Variants in SETD2 observed in about 807,000 individuals in gnomAD.
SETD2 encodes the protein histone-lysine N-methyltransferase SETD2.
SETD2 carries 31 observed loss-of-function variants against 242.1 expected under a neutral mutation model. The ratio of observed to expected loss-of-function variants is 0.13; its 90% CI spans 0.10 to 0.17. The LOEUF is 0.17. Among genes scored for constraint, SETD2 ranks in the 10% least tolerant of loss-of-function variants. The pLI is 1.00. For missense variants in SETD2, 2,481 were observed against 3,046.3 expected (o/e 0.81, Z 4.37); for synonymous variants, 1,006 against 1,066.5 (o/e 0.94, Z 1.11).
chr3:47,158,925 T>C (rs1254945030), intron 1 of SETD2, among the ~76,000 whole-genome samples: 1 of 152,172 alleles, frequency 6.6e-6, no homozygotes, highest in Non-Finnish European at 1.5e-5. Context: ...TTCACAGATG[T>C]CATCCATGTT....
chr3:47,084,894 CTTT>C (rs879474671), intron 11 of SETD2, among the ~76,000 whole-genome samples: 1 of 133,390 alleles, frequency 7.5e-6, no homozygotes. Flanking sequence ...CCATGCACAG[CTTT>C]TTTTTTTTTT....
At chr3:47,150,795 C>T (rs1208070577) in intron 1 of SETD2, among the ~76,000 whole-genome samples, 1 of 151,054 alleles carries the variant, frequency 6.6e-6, no homozygotes, top group Non-Finnish European at 1.5e-5. Flanking sequence ...CCTGTCGCTA[C>T]AAAAAATAAA....
rs2107586890 is a variant in SETD2 at position 47,061,452 on chromosome 3, G to A, written c.6293+711C>T. ...AGGACAGCACCTTACAGTAGGGAAAGGACAGCACATTTTCAATAAATGGTG... is the reference window on the plus strand; with the variant it reads ...AGGACAGCACCTTACAGTAGGGAAAAGACAGCACATTTTCAATAAATGGTG... On this transcript the variant is annotated intron_variant, in intron 14 of 20. Transcript: ENST00000409792. Among the ~76,000 whole-genome samples the A allele has an allele frequency of 2.0e-5, 3 of 152,176 alleles. 1 individual carries two copies. The Middle Eastern group carries it at 0.01, about 518-fold the overall frequency.
chr3:47,061,582 A>G (rs928827176), intron 14 of SETD2, among the ~76,000 whole-genome samples: 1 of 152,246 alleles, frequency 6.6e-6, no homozygotes, highest in African/African-American at 2.4e-5. Context: ...TAAAAATCAC[A>G]TTACATACCG....
At chr3:47,070,519 C>G (rs1219640596) in intron 12 of SETD2, among the ~76,000 whole-genome samples, 1 of 152,166 alleles carries the variant, frequency 6.6e-6, no homozygotes, top group Non-Finnish European at 1.5e-5. Flanking sequence ...ACATTGAAAG[C>G]TGAGAAGGAA....
chr3:47,096,876 T>TAAAC lies in SETD2; in HGVS notation c.5142+1078_5142+1079insGTTT, dbSNP rs1575766420. Among the ~76,000 whole-genome samples, 3 of 152,352 alleles carry TAAAC rather than the reference T, an allele frequency of 2.0e-5. No homozygotes were observed. In the East Asian group the frequency reaches 5.8e-4, roughly 29 times the overall value. ...TGTTGGGTGGTGGAAATACAGGTGTTTGTTATATAAACTGTCCTTTTCTGC... is the reference window on the plus strand; with the variant it reads ...TGTTGGGTGGTGGAAATACAGGTGTTAAACTGTTATATAAACTGTCCTTTTCTGC... On this transcript the variant is annotated intron_variant, in intron 9 of 20. Coordinates refer to ENST00000409792, the MANE Select transcript of SETD2 (RefSeq NM_014159.7).
chr3:47,087,467 C>T (rs543775987), intron 10 of SETD2, among the ~76,000 whole-genome samples: 1 of 152,268 alleles, frequency 6.6e-6, no homozygotes, highest in African/African-American at 2.4e-5. Context: ...CTATGAGAAT[C>T]GAATGCCGCT....
intron 5 of SETD2, among the ~76,000 whole-genome samples, chr3:47,110,479 T>C (rs1403287590): frequency 6.6e-6 from 1 of 152,240 alleles, no homozygotes; most frequent in Non-Finnish European, 1.5e-5. Context: ...TAAGTCAACC[T>C]GGACTGCCTT....
At position 47,121,432 on chromosome 3, in the gene SETD2, A is replaced by C; in HGVS notation, c.3204T>G (p.Ser1068=). Residue 1068 remains serine, a synonymous_variant, in exon 3 of 21, where the codon TCT becomes TCG. Transcript: ENST00000409792. The stretch of plus-strand genomic sequence containing the variant: ...TAGAATTCTTTGGCACAACCACAAC[A>C]GACTGGAGACGGTTTCTTGGAATAC... ...DSSIPRNRLQ[S]VVVVPKNSTL... The C allele has an allele frequency of 2.5e-6, 4 of 1,612,070 alleles. No homozygotes were observed. Among genetic ancestry groups the C allele is most frequent in the Non-Finnish European group, 3.4e-6 (4 of 1,179,994 alleles).
intron 5 of SETD2, among the ~76,000 whole-genome samples, chr3:47,111,364 T>C (rs539340984): frequency 6.6e-6 from 1 of 152,104 alleles, no homozygotes; most frequent in Admixed American, 6.5e-5. Context: ...AAACCAGTTA[T>C]GAGAAGCCTA....
intron 1 of SETD2, among the ~76,000 whole-genome samples, chr3:47,161,511 T>C (rs938253414): frequency 1.3e-5 from 2 of 152,294 alleles, no homozygotes; most frequent in South Asian, 2.1e-4. Flanking sequence ...TTTCTTCATA[T>C]GCCAAACAGG....
At chr3:47,075,564 CAAAAAA>C (rs55635941) in intron 12 of SETD2, among the ~76,000 whole-genome samples, 2 of 76,442 alleles carry the variant, frequency 2.6e-5, no homozygotes, top group African/African-American at 5.2e-5. Flanking sequence ...AACTCCGTCT[CAAAAAA>C]AAAAAAAAAA....
chr3:47,081,395 C>T (rs2107633074), intron 12 of SETD2, among the ~76,000 whole-genome samples: 1 of 152,246 alleles, frequency 6.6e-6, no homozygotes, highest in Admixed American at 6.5e-5. Context: ...CTTTTTAGTA[C>T]GATCTTGGAA....
At chr3:47,023,275 C>T (rs1200153620) in intron 18 of SETD2, among the ~76,000 whole-genome samples, 2 of 152,138 alleles carry the variant, frequency 1.3e-5, no homozygotes, top group Non-Finnish European at 1.5e-5. Context: ...CGGCGTGCAC[C>T]TGTAATCCCA....
In SETD2 at chr3:47,044,217, C is replaced by T. The variant is rs543967275; in HGVS notation, c.7099-1517G>A. On this transcript the variant is annotated intron_variant, in intron 16 of 20. Coordinates refer to ENST00000409792, the MANE Select transcript of SETD2 (RefSeq NM_014159.7). ...TATTAGCCAGGTGTGGTGGTGTGCA[C>T]TTGTAATCCCAGCTACTCAGGAGGC... 5.3e-5 allele frequency among the ~76,000 whole-genome samples: 8 copies of T among 151,436 alleles called. 1 individual carries two copies. In the South Asian group the frequency reaches 1.7e-3, roughly 32 times the overall value.
chr3:47,090,689 C>T (rs1263206641), intron 9 of SETD2, among the ~76,000 whole-genome samples: 1 of 152,008 alleles, frequency 6.6e-6, no homozygotes, highest in Non-Finnish European at 1.5e-5. Flanking sequence ...TGCGCCCAGC[C>T]CAAAGTGGAA....
intron 17 of SETD2, among the ~76,000 whole-genome samples, chr3:47,041,009 C>T (rs1207721979): frequency 1.3e-5 from 2 of 152,070 alleles, no homozygotes; most frequent in South Asian, 2.1e-4. Context: ...AGTACCCTCT[C>T]GAAGAAGTAG....
chr3:47,130,203 A>G (rs2106755997), intron 1 of SETD2, among the ~76,000 whole-genome samples: 1 of 152,338 alleles, frequency 6.6e-6, no homozygotes. Flanking sequence ...TCTCAAAAAT[A>G]TTAAAATAAC....
Position 47,120,955 on chromosome 3 carries a change from A to G in SETD2, c.3681T>C (p.Asp1227=), listed in dbSNP as rs1340269021. The G allele has an allele frequency of 6.2e-7, 1 of 1,614,228 alleles. No homozygotes were observed. Among genetic ancestry groups the G allele is most frequent in the Non-Finnish European group, 8.5e-7 (1 of 1,180,028 alleles). The part of the protein sequence containing the change: ...WQQTTFQNRP[D]SRLGKTELSF... Reference sequence around the variant, plus strand: ...TCAATTCTGTTTTTCCCAGTCTACTATCTGGCCTGTTTTGGAAAGTGGTCT... The same window carrying G: ...TCAATTCTGTTTTTCCCAGTCTACTGTCTGGCCTGTTTTGGAAAGTGGTCT... Residue 1227 remains aspartate, a synonymous_variant, in exon 3 of 21, where the codon GAT becomes GAC. Transcript: ENST00000409792.
Sources: allele counts gnomAD v4.1 joint callset (sites outside exome capture counted in the v4.1 genomes callset), GRCh38; gene constraint gnomAD v4.1.1; transcripts MANE v1.5; gene names NCBI Gene and HGNC (gene_info 2026-07-23, HGNC 2026-07-21).